Variants in OTUD7A observed in about 807,000 individuals in gnomAD.
The protein encoded by OTUD7A is OTU domain-containing protein 7A.
A neutral mutation model predicts 65.7 loss-of-function variants in OTUD7A; 12 were observed. The ratio of observed to expected loss-of-function variants is 0.18; its 90% CI spans 0.12 to 0.30. The LOEUF (loss-of-function observed/expected upper bound fraction) is 0.30. Among genes scored for constraint, OTUD7A ranks in the 10% least tolerant of loss-of-function variants. OTUD7A has a pLI of 1.00. For synonymous variants in OTUD7A, 641 were observed against 586.3 expected, an observed-to-expected ratio of 1.09 and a Z score of -1.35; for missense variants, 1,148 against 1,304.8, an observed-to-expected ratio of 0.88 and a Z score of 1.85.
intron 4 of OTUD7A, among the ~76,000 whole-genome samples, chr15:31,569,654 A>G (rs1057169108): frequency 5.9e-5 from 9 of 152,252 alleles, no homozygotes; most frequent in Admixed American, 2.0e-4. Context: ...CGCATGGGAC[A>G]AGAAATGTGA....
intron 1 of OTUD7A, among the ~76,000 whole-genome samples, chr15:31,846,529 C>T (rs540664570): frequency 1.3e-5 from 2 of 152,200 alleles, no homozygotes; most frequent in East Asian, 3.9e-4. Flanking sequence ...ACTGGTATGG[C>T]TCACTCGTCT....
intron 1 of OTUD7A, among the ~76,000 whole-genome samples, chr15:31,799,454 T>C (rs1896061367): frequency 6.6e-6 from 1 of 152,152 alleles, no homozygotes; most frequent in Non-Finnish European, 1.5e-5. Context: ...GTGGGGCTTT[T>C]GGAAGATAAT....
At chr15:31,825,789 G>A (rs1056224222) in intron 1 of OTUD7A, among the ~76,000 whole-genome samples, 1 of 152,168 alleles carries the variant, frequency 6.6e-6, no homozygotes, top group Non-Finnish European at 1.5e-5. Context: ...CAGACATTGG[G>A]TAAATACTAC....
At chr15:31,858,836 T>G (rs1304569895) in intron 1 of OTUD7A, among the ~76,000 whole-genome samples, 4 of 152,144 alleles carry the variant, frequency 2.6e-5, no homozygotes, top group Non-Finnish European at 4.4e-5. Flanking sequence ...AGGGAGGCAG[T>G]GGTGGAGCCC....
intron 3 of OTUD7A, chr15:31,649,705 C>A (rs780049121): frequency 1.0e-4 from 42 of 408,744 alleles, no homozygotes; most frequent in South Asian, 5.8e-4. Flanking sequence ...CAGGACCCAG[C>A]AGTGGGTGAG....
intron 5 of OTUD7A, among the ~76,000 whole-genome samples, chr15:31,532,404 A>G (rs1188341660): frequency 2.6e-5 from 4 of 152,226 alleles, no homozygotes; most frequent in African/African-American, 9.6e-5. Context: ...ACTGAAAAAT[A>G]CAACTCTGAT....
At chr15:31,735,442 T>C (rs1270191499) in intron 1 of OTUD7A, among the ~76,000 whole-genome samples, 1 of 151,502 alleles carries the variant, frequency 6.6e-6, no homozygotes, top group African/African-American at 2.4e-5. Flanking sequence ...GCAGGGGAAT[T>C]GCTAGAACCT....
intron 1 of OTUD7A, among the ~76,000 whole-genome samples, chr15:31,805,303 C>T (rs1251622542): frequency 1.3e-5 from 2 of 152,218 alleles, no homozygotes; most frequent in Non-Finnish European, 2.9e-5. Flanking sequence ...GAGAGCTGGA[C>T]AATTTGGCAA....
At chr15:31,755,022 G>GGT (rs994874751) in intron 1 of OTUD7A, among the ~76,000 whole-genome samples, 2 of 150,754 alleles carry the variant, frequency 1.3e-5, no homozygotes, top group African/African-American at 2.4e-5. Context: ...AGAGAGAGAT[G>GGT]GTGTGTGTGT....
At chr15:31,862,831 T>TA (rs1478864978) in intron 1 of OTUD7A, among the ~76,000 whole-genome samples, 2 of 152,198 alleles carry the variant, frequency 1.3e-5, no homozygotes, top group Non-Finnish European at 2.9e-5. Flanking sequence ...CTGAAAGTCT[T>TA]AACTCATTTC....
chr15:31,836,010 T>G (rs1259550198), intron 1 of OTUD7A, among the ~76,000 whole-genome samples: 1 of 152,094 alleles, frequency 6.6e-6, no homozygotes, highest in Non-Finnish European at 1.5e-5. Flanking sequence ...TCAAAAAGTT[T>G]TGGATTTTGG....
chr15:31,686,736 GA>G, intron 1 of OTUD7A, among the ~76,000 whole-genome samples: 1 of 152,332 alleles, frequency 6.6e-6, no homozygotes, highest in South Asian at 2.1e-4. Context: ...TATTGCCCCA[GA>G]AAGCAGAGGA....
chr15:31,586,149 T>C (rs7178637), intron 3 of OTUD7A, among the ~76,000 whole-genome samples: 49,871 of 152,112 alleles, frequency 0.33, 10,711 homozygotes, highest in African/African-American at 0.61. Flanking sequence ...TCCATTTATC[T>C]GGTTTCTTTC....
intron 8 of OTUD7A, among the ~76,000 whole-genome samples, chr15:31,507,511 T>C (rs946569247): frequency 6.6e-6 from 1 of 152,190 alleles, no homozygotes; most frequent in African/African-American, 2.4e-5. Flanking sequence ...AGTCGCGTGT[T>C]ACACCTCTTA....
chr15:31,633,104 C>G (rs115193637), intron 3 of OTUD7A, among the ~76,000 whole-genome samples: 3,147 of 152,312 alleles, frequency 0.021, 102 homozygotes, highest in African/African-American at 0.073. Context: ...TGCTTCGGCC[C>G]ACGCACAGTG....
intron 5 of OTUD7A, among the ~76,000 whole-genome samples, chr15:31,544,354 A>G (rs1888069757): frequency 6.6e-6 from 1 of 151,830 alleles, no homozygotes; most frequent in Non-Finnish European, 1.5e-5. Context: ...TTAAATCCAA[A>G]GTAGAGGGAG....
chr15:31,813,295 C>T (rs542821962), intron 1 of OTUD7A, among the ~76,000 whole-genome samples: 2 of 152,200 alleles, frequency 1.3e-5, no homozygotes, highest in South Asian at 4.1e-4. Context: ...CACTACCATC[C>T]AGCATTGTTA....
At chr15:31,776,892 A>C (rs996053868) in intron 1 of OTUD7A, among the ~76,000 whole-genome samples, 4 of 152,124 alleles carry the variant, frequency 2.6e-5, no homozygotes, top group Non-Finnish European at 4.4e-5. Context: ...ACATGTATAC[A>C]TATGTAACTA....
chr15:31,492,597 A>C (rs1018327804), intron 10 of OTUD7A, among the ~76,000 whole-genome samples: 3 of 145,896 alleles, frequency 2.1e-5, no homozygotes, highest in East Asian at 2.1e-4. Flanking sequence ...AAAAAAAAAA[A>C]AACAAATCTC....
Sources: gnomAD v4.1 joint callset for allele counts (sites outside exome capture counted in the v4.1 genomes callset) on GRCh38, gnomAD v4.1.1 for gene constraint, MANE v1.5 for transcripts, NCBI Gene and HGNC (gene_info 2026-07-23, HGNC 2026-07-21) for gene names.